The following KCNMA1 variants were observed in gnomAD, a reference collection of about 807,000 sequenced individuals.
The protein encoded by KCNMA1 is potassium calcium-activated channel subfamily M alpha 1, also known as Calcium-activated potassium channel subunit alpha-1.
In KCNMA1, 29 loss-of-function variants were observed where a neutral mutation model predicts 140.0. That is an observed-to-expected ratio of 0.21 (90% confidence interval 0.15 to 0.28). The LOEUF is 0.28. Ranked by LOEUF, KCNMA1 falls within the 10% of genes least tolerant of loss-of-function variation. The pLI is 1.00. For synonymous variants in KCNMA1, 612 were observed against 611.9 expected (o/e 1.00, Z 0.00); for missense variants, 880 against 1,602.2 (o/e 0.55, Z 7.70).
chr10:77,278,050 T>C (rs1444243903), intron 2 of KCNMA1, among the ~76,000 whole-genome samples: 1 of 152,218 alleles, frequency 6.6e-6, no homozygotes, highest in East Asian at 1.9e-4. Flanking sequence ...CCTCTGATGA[T>C]ATGTATATAA....
At chr10:77,107,364 T>C (rs2097217488) in intron 9 of KCNMA1, among the ~76,000 whole-genome samples, 1 of 152,202 alleles carries the variant, frequency 6.6e-6, no homozygotes, top group Admixed American at 6.5e-5. Flanking sequence ...AGTGACTGGG[T>C]GTGTACATAG....
At chr10:76,955,063 G>C (rs2152998401) in intron 20 of KCNMA1, among the ~76,000 whole-genome samples, 1 of 152,214 alleles carries the variant, frequency 6.6e-6, no homozygotes, top group Admixed American at 6.5e-5. Flanking sequence ...TCTTGAAATG[G>C]AGCTATCTTT....
intron 18 of KCNMA1, among the ~76,000 whole-genome samples, chr10:77,002,464 A>G (rs867529329): frequency 6.6e-6 from 1 of 152,216 alleles, no homozygotes; most frequent in Admixed American, 6.5e-5. Context: ...TTGGTTAATC[A>G]TATTATTTCT....
chr10:76,998,767 G>A (rs1028397254), intron 19 of KCNMA1, among the ~76,000 whole-genome samples: 12 of 152,196 alleles, frequency 7.9e-5, no homozygotes, highest in African/African-American at 2.9e-4. Flanking sequence ...AGGGATGCCT[G>A]GGGATTGCTA....
At chr10:76,954,913 G>T (rs955239121) in intron 20 of KCNMA1, among the ~76,000 whole-genome samples, 1 of 152,258 alleles carries the variant, frequency 6.6e-6, no homozygotes, top group African/African-American at 2.4e-5. Context: ...CAATAAATAA[G>T]CTCCTGCACC....
chr10:77,120,934 G>A (rs2097579737), intron 6 of KCNMA1, 39 bp downstream of exon 6: 5 of 1,154,534 alleles, frequency 4.3e-6, no homozygotes, highest in Non-Finnish European at 6.6e-6. Context: ...CTTGGCATAG[G>A]GGACTGGAAT....
chr10:77,357,719 A>G (rs187571870), intron 2 of KCNMA1, among the ~76,000 whole-genome samples: 1 of 152,338 alleles, frequency 6.6e-6, no homozygotes, highest in Admixed American at 6.5e-5. Flanking sequence ...ATACAAATTG[A>G]TGTTTTATAG....
At chr10:76,966,305 G>A (rs1331320424) in intron 20 of KCNMA1, among the ~76,000 whole-genome samples, 1 of 152,158 alleles carries the variant, frequency 6.6e-6, no homozygotes, top group Non-Finnish European at 1.5e-5. Context: ...CTACCCATTG[G>A]AGAAATCTCA....
rs1248918194 is a variant in KCNMA1, at chr10:77,057,839, T to C, written c.1749+15258A>G. ...AAGAGAGTTCAAAGTTTTTGAAAAA[T>C]TAGTCTAATTTTCAAAACTGAAACA... On this transcript the variant is annotated intron_variant, in intron 14 of 27. Transcript: ENST00000286628. Among the ~76,000 whole-genome samples, 4 of 151,716 alleles carry C rather than the reference T, an allele frequency of 2.6e-5. No homozygotes were observed. In the South Asian group the frequency reaches 8.3e-4, roughly 32 times the overall value.
intron 19 of KCNMA1, chr10:76,977,749 C>T: frequency 1.5e-6 from 1 of 654,004 alleles, no homozygotes; most frequent in Non-Finnish European, 2.8e-6. Flanking sequence ...ACTGTCCCTA[C>T]CACCCAACCT....
At chr10:77,382,813 C>T (rs574919959) in intron 2 of KCNMA1, among the ~76,000 whole-genome samples, 78 of 129,240 alleles carry the variant, frequency 6.0e-4, no homozygotes, top group African/African-American at 2.2e-3. Context: ...TGCAGTAAGC[C>T]GAGATCACAC....
chr10:76,979,180 T>A (rs1039784357), intron 19 of KCNMA1, among the ~76,000 whole-genome samples: 7 of 152,210 alleles, frequency 4.6e-5, no homozygotes, highest in Admixed American at 1.3e-4. Flanking sequence ...CACTTCATGC[T>A]GTTTGCATGA....
downstream of KCNMA1, among the ~76,000 whole-genome samples, chr10:76,879,964 T>C (rs1175567673): frequency 6.6e-6 from 1 of 152,198 alleles, no homozygotes; most frequent in Non-Finnish European, 1.5e-5. Context: ...CTGGTGTTTG[T>C]GCTCAGGTTG....
intron 2 of KCNMA1, among the ~76,000 whole-genome samples, chr10:77,280,049 C>T (rs1601054824): frequency 6.6e-6 from 1 of 152,332 alleles, no homozygotes; most frequent in East Asian, 1.9e-4. Context: ...TTTCCATAAA[C>T]CAGTTTCCTT....
At chr10:77,359,341 C>T (rs994682016) in intron 2 of KCNMA1, among the ~76,000 whole-genome samples, 14 of 152,068 alleles carry the variant, frequency 9.2e-5, no homozygotes, top group African/African-American at 2.9e-4. Flanking sequence ...GTGCTGCCAC[C>T]GCTGCTGCTG....
At chr10:76,875,568 C>T (rs1217458292), downstream of KCNMA1, 1 of 152,010 alleles carries the variant, frequency 6.6e-6, no homozygotes, top group African/African-American at 2.4e-5. Flanking sequence ...TGTCCTGTGT[C>T]CCTCTAATGG....
chr10:77,473,905 A>G (rs1025875424), intron 1 of KCNMA1, among the ~76,000 whole-genome samples: 1 of 152,024 alleles, frequency 6.6e-6, no homozygotes. Context: ...AATCAGCTAC[A>G]CTCCCTAGAA....
At chr10:76,941,116 G>GAGGTA (rs2062111351) in intron 23 of KCNMA1, among the ~76,000 whole-genome samples, 1 of 88,596 alleles carries the variant, frequency 1.1e-5, no homozygotes, top group East Asian at 4.2e-4. Flanking sequence ...GGGAGGGAGG[G>GAGGTA]AGGGAAGGGA....
chr10:76,942,004 C>G (rs926714424), intron 23 of KCNMA1, among the ~76,000 whole-genome samples: 1 of 152,146 alleles, frequency 6.6e-6, no homozygotes, highest in African/African-American at 2.4e-5. Context: ...CAGAGTCTTG[C>G]TCTGTCACCC....
Sources: allele counts gnomAD v4.1 joint callset (sites outside exome capture counted in the v4.1 genomes callset), GRCh38; gene constraint gnomAD v4.1.1; transcripts MANE v1.5; gene names NCBI Gene and HGNC (gene_info 2026-07-23, HGNC 2026-07-21).